Variants in ADARB2 observed in about 807,000 individuals in gnomAD.
ADARB2 encodes adenosine deaminase RNA specific B2 (inactive), also known as inactive double-stranded RNA-specific editase B2.
Under a neutral mutation model 62.2 loss-of-function variants are expected in ADARB2, and 25 were observed. The observed-to-expected ratio is 0.40, with a 90% CI of 0.29 to 0.56. The LOEUF is 0.56. ADARB2 is among the 20% of genes least tolerant of loss of function. ADARB2 has a pLI of 0.43. For synonymous variants in ADARB2, 572 were observed against 500.8 expected, an observed-to-expected ratio of 1.14 and a Z score of -1.90; for missense variants, 1,071 against 1,077.4, an observed-to-expected ratio of 0.99 and a Z score of 0.08.
chr10:1,194,085 G>C (rs1007191796), intron 8 of ADARB2, among the ~76,000 whole-genome samples: 1 of 151,966 alleles, frequency 6.6e-6, no homozygotes, highest in African/African-American at 2.4e-5. Context: ...ACTCTCTTTT[G>C]TACTTTCTGT....
At chr10:1,530,022 C>T (rs932882346) in intron 1 of ADARB2, among the ~76,000 whole-genome samples, 5 of 151,942 alleles carry the variant, frequency 3.3e-5, no homozygotes, top group Non-Finnish European at 4.4e-5. Context: ...TCAATGTGGG[C>T]ACCTGTCCAC....
chr10:1,232,885 A>G (rs779441888), intron 6 of ADARB2, among the ~76,000 whole-genome samples: 3 of 141,946 alleles, frequency 2.1e-5, no homozygotes, highest in East Asian at 2.2e-4. Flanking sequence ...TGTGTGTTGT[A>G]TGTGTGTGGT....
intron 1 of ADARB2, among the ~76,000 whole-genome samples, chr10:1,405,727 C>T (rs1386923706): frequency 6.6e-6 from 1 of 151,906 alleles, no homozygotes; most frequent in Non-Finnish European, 1.5e-5. Flanking sequence ...CTCTAAGAAG[C>T]TGTGCACCAA....
intron 1 of ADARB2, among the ~76,000 whole-genome samples, chr10:1,553,452 C>T (rs540228361): frequency 6.6e-6 from 1 of 152,148 alleles, no homozygotes; most frequent in Non-Finnish European, 1.5e-5. Flanking sequence ...TGGCCTGCTC[C>T]CAGGAAGAGG....
chr10:1,516,082 AG>A (rs949364442), intron 1 of ADARB2, among the ~76,000 whole-genome samples: 1 of 152,176 alleles, frequency 6.6e-6, no homozygotes, highest in African/African-American at 2.4e-5. Context: ...CAATCAGACC[AG>A]GGGTGCCCTG....
intron 3 of ADARB2, among the ~76,000 whole-genome samples, chr10:1,308,555 T>G (rs889056507): frequency 6.6e-6 from 1 of 152,222 alleles, no homozygotes; most frequent in African/African-American, 2.4e-5. Context: ...AGAGTATGTT[T>G]AGTTTCATAA....
chr10:1,536,036 G>A (rs566215977), intron 1 of ADARB2, among the ~76,000 whole-genome samples: 7 of 152,254 alleles, frequency 4.6e-5, no homozygotes, highest in African/African-American at 1.7e-4. Flanking sequence ...CAGAGATCCC[G>A]GCCCATCAAG....
chr10:1,708,544 C>A (rs1406882512), intron 1 of ADARB2, among the ~76,000 whole-genome samples: 1 of 152,146 alleles, frequency 6.6e-6, no homozygotes, highest in South Asian at 2.1e-4. Context: ...TTAGTCAAGA[C>A]GCCAATCAAG....
In ADARB2 at chr10:1,496,651, CATA is replaced by C. The variant is rs1319061832; in HGVS notation, c.101-117494_101-117492del. Among the ~76,000 whole-genome samples the C allele has an allele frequency of 2.0e-5, 3 of 151,942 alleles. No individual in the cohort carries two copies. In the South Asian group the frequency reaches 6.2e-4, roughly 32 times the overall value. ...ATCATCATCATCATCGTATGGTTAT[CATA>C]ATAATCATATTCATCATAATCACCA... is the stretch of plus-strand genomic sequence containing the variant. On this transcript the variant is annotated intron_variant, in intron 1 of 9. Transcript: ENST00000381312.
At chr10:1,516,952 T>C (rs897987228) in intron 1 of ADARB2, among the ~76,000 whole-genome samples, 7 of 152,212 alleles carry the variant, frequency 4.6e-5, no homozygotes, top group Non-Finnish European at 8.8e-5. Flanking sequence ...TCATCTGAAG[T>C]AGCAGAAAAG....
intron 1 of ADARB2, among the ~76,000 whole-genome samples, chr10:1,434,249 G>A (rs1417017055): frequency 6.6e-6 from 1 of 152,192 alleles, no homozygotes; most frequent in Non-Finnish European, 1.5e-5. Context: ...ACAGAGGCCG[G>A]TATGAGAAAT....
chr10:1,344,997 C>T (rs965170733), intron 3 of ADARB2, among the ~76,000 whole-genome samples: 3 of 152,216 alleles, frequency 2.0e-5, no homozygotes, highest in Non-Finnish European at 4.4e-5. Flanking sequence ...CAGGTGGCCC[C>T]CTCAGGGAAC....
At chr10:1,253,980 G>T (rs1428648685) in intron 4 of ADARB2, among the ~76,000 whole-genome samples, 1 of 151,954 alleles carries the variant, frequency 6.6e-6, no homozygotes, top group African/African-American at 2.4e-5. Context: ...TTAGGATGAG[G>T]TGGGCTCTGT....
intron 1 of ADARB2, among the ~76,000 whole-genome samples, chr10:1,607,211 G>T (rs1264254005): frequency 6.6e-6 from 1 of 152,214 alleles, no homozygotes; most frequent in African/African-American, 2.4e-5. Context: ...GTGGGCAGAA[G>T]TTGGGCTTCC....
chr10:1,560,348 T>A (rs1832769176), intron 1 of ADARB2, among the ~76,000 whole-genome samples: 1 of 152,200 alleles, frequency 6.6e-6, no homozygotes, highest in Non-Finnish European at 1.5e-5. Context: ...GTTTAACAAC[T>A]TCTTTCACCC....
intron 1 of ADARB2, among the ~76,000 whole-genome samples, chr10:1,707,823 C>A (rs375248242): frequency 1.5e-3 from 229 of 152,312 alleles, no homozygotes; most frequent in African/African-American, 4.8e-3. Flanking sequence ...AGAATTCAGA[C>A]CTTTGTCTGA....
chr10:1,391,419 C>T lies in ADARB2; in HGVS notation c.101-12259G>A, dbSNP rs1033494128. ...TAAAAGACTCACTATCGCTGTTCTC[C>T]GGGTCTCTAAGTCCATTCTTTGGGT... On this transcript the variant is annotated intron_variant, in intron 1 of 9. Coordinates refer to ENST00000381312, the MANE Select transcript of ADARB2 (RefSeq NM_018702.4). 2.4e-4 allele frequency among the ~76,000 whole-genome samples: 36 copies of T among 152,238 alleles called. 1 individual carries two copies. Among genetic ancestry groups the T allele is most frequent in the African/African-American group, 6.0e-4 (25 of 41,538 alleles).
At chr10:1,394,109 C>T (rs760279082) in intron 1 of ADARB2, among the ~76,000 whole-genome samples, 1 of 152,184 alleles carries the variant, frequency 6.6e-6, no homozygotes, top group Non-Finnish European at 1.5e-5. Flanking sequence ...AGCCATCCCA[C>T]GTATGAAAGA....
chr10:1,376,475 G>T (rs573094071), intron 2 of ADARB2, among the ~76,000 whole-genome samples: 42 of 152,274 alleles, frequency 2.8e-4, no homozygotes, highest in African/African-American at 9.6e-4. Context: ...GCCTCATCAG[G>T]CCCTCTCCTC....
Sources: gnomAD v4.1 joint callset for allele counts (sites outside exome capture counted in the v4.1 genomes callset) on GRCh38, gnomAD v4.1.1 for gene constraint, MANE v1.5 for transcripts, NCBI Gene and HGNC (gene_info 2026-07-23, HGNC 2026-07-21) for gene names.